Variants in GREM2 observed in about 807,000 individuals in gnomAD.
GREM2 encodes gremlin-2.
A neutral mutation model predicts 14.2 loss-of-function variants in GREM2; 11 were observed. The ratio of observed to expected loss-of-function variants is 0.78; its 90% CI spans 0.49 to 1.28. The LOEUF (loss-of-function observed/expected upper bound fraction) is 1.28, where lower values mean the gene tolerates loss of function less well. Among genes scored for constraint, GREM2 ranks in the 50% most tolerant of loss-of-function variants. The pLI is 0.00. For missense variants in GREM2, 210 were observed against 218.5 expected (o/e 0.96, Z 0.24); for synonymous variants, 98 against 97.6 (o/e 1.00, Z -0.02).
chr1:240,567,455 TTATA>T (rs1398035037), intron 1 of GREM2, among the ~76,000 whole-genome samples: 1 of 151,956 alleles, frequency 6.6e-6, no homozygotes, highest in African/African-American at 2.4e-5. Context: ...AAAAAACACA[TTATA>T]TACAGAGTAA....
At chr1:240,493,719 C>T (rs1475424066) in intron 1 of GREM2, among the ~76,000 whole-genome samples, 2 of 151,732 alleles carry the variant, frequency 1.3e-5, no homozygotes, top group Admixed American at 6.6e-5. Context: ...TTTGTAGAGA[C>T]GGGATCTCAC....
At chr1:240,562,955 TGTGTGA>T (rs535427406) in intron 1 of GREM2, among the ~76,000 whole-genome samples, 3,222 of 139,738 alleles carry the variant, frequency 0.023, 94 homozygotes, top group African/African-American at 0.084. Flanking sequence ...AGTGTGTATG[TGTGTGA>T]GTGTGTGTAT....
At chr1:240,517,230 A>T (rs1677975355) in intron 1 of GREM2, among the ~76,000 whole-genome samples, 1 of 152,242 alleles carries the variant, frequency 6.6e-6, no homozygotes, top group Admixed American at 6.5e-5. Context: ...CTTTTCCCAA[A>T]TATATCACAA....
At chr1:240,522,433 C>A (rs1012191637) in intron 1 of GREM2, among the ~76,000 whole-genome samples, 1 of 152,076 alleles carries the variant, frequency 6.6e-6, no homozygotes, top group African/African-American at 2.4e-5. Flanking sequence ...ATGGTAAATA[C>A]AATTTTACCA....
In GREM2 at chr1:240,492,935, C is replaced by T. The variant is rs1445072004; in HGVS notation, c.*34G>A. On this transcript the variant is annotated 3_prime_UTR_variant, in exon 2 of 2. Transcript: ENST00000318160. Reference sequence around the variant, plus strand: ...GCGGCGGCGCCACCCAGCGGCCGGGCGCGCGCGGGGCTGAGCTGCGTCCGG... The same window carrying T: ...GCGGCGGCGCCACCCAGCGGCCGGGTGCGCGCGGGGCTGAGCTGCGTCCGG... The T allele has an allele frequency of 7.1e-7, 1 of 1,406,554 alleles. No individual in the cohort carries two copies. Among genetic ancestry groups the T allele is most frequent in the South Asian group, 1.8e-5 (1 of 54,312 alleles). The allele number at this position is 1,406,554 out of a possible 1,614,324, so 87.1% of individuals were successfully genotyped here.
chr1:240,564,527 A>G (rs987991073), intron 1 of GREM2, among the ~76,000 whole-genome samples: 4 of 151,810 alleles, frequency 2.6e-5, no homozygotes, highest in African/African-American at 9.7e-5. Context: ...AAAAATTAAA[A>G]TAAATAAATA....
intron 1 of GREM2, among the ~76,000 whole-genome samples, chr1:240,546,789 G>T (rs1678733349): frequency 6.6e-6 from 1 of 152,236 alleles, no homozygotes; most frequent in Non-Finnish European, 1.5e-5. Flanking sequence ...AAACAGCCAA[G>T]TGTATTAAAC....
intron 1 of GREM2, among the ~76,000 whole-genome samples, chr1:240,554,928 G>T (rs1678925839): frequency 6.6e-6 from 1 of 152,120 alleles, no homozygotes; most frequent in South Asian, 2.1e-4. Context: ...AGGATCACCT[G>T]AGCTTAGGAG....
intron 1 of GREM2, among the ~76,000 whole-genome samples, chr1:240,536,755 T>A (rs1678481768): frequency 6.6e-6 from 1 of 152,056 alleles, no homozygotes; most frequent in Non-Finnish European, 1.5e-5. Flanking sequence ...GGGCTGTAGA[T>A]CTGGAAGCCA....
intron 1 of GREM2, among the ~76,000 whole-genome samples, chr1:240,572,472 ATTACT>A (rs1332160440): frequency 1.3e-5 from 2 of 152,210 alleles, no homozygotes; most frequent in Non-Finnish European, 2.9e-5. Flanking sequence ...GGTAACTCAA[ATTACT>A]TTAGAGAGTA....
chr1:240,501,112 A>G (rs1243662114), intron 1 of GREM2, among the ~76,000 whole-genome samples: 2 of 152,182 alleles, frequency 1.3e-5, no homozygotes, highest in Non-Finnish European at 2.9e-5. Flanking sequence ...AGCAAGCTCA[A>G]ATGCCATGGC....
intron 1 of GREM2, among the ~76,000 whole-genome samples, chr1:240,606,023 C>G (rs1680017901): frequency 6.6e-6 from 1 of 151,560 alleles, no homozygotes; most frequent in Non-Finnish European, 1.5e-5. Context: ...AGAAAAAAAA[C>G]AAAAAGTTCC....
intron 1 of GREM2, among the ~76,000 whole-genome samples, chr1:240,536,509 G>A (rs1000378387): frequency 6.6e-6 from 1 of 152,242 alleles, no homozygotes; most frequent in African/African-American, 2.4e-5. Flanking sequence ...CAGTCCAAGA[G>A]GGGGATTGGT....
intron 1 of GREM2, among the ~76,000 whole-genome samples, chr1:240,552,106 A>T (rs796537958): frequency 6.6e-6 from 1 of 152,200 alleles, no homozygotes; most frequent in East Asian, 1.9e-4. Context: ...TTCTTGTAGC[A>T]GTAATATTAC....
At chr1:240,500,368 G>T (rs1422765027) in intron 1 of GREM2, among the ~76,000 whole-genome samples, 1 of 151,516 alleles carries the variant, frequency 6.6e-6, no homozygotes, top group Non-Finnish European at 1.5e-5. Context: ...GCGCGATCTT[G>T]GCTCACTGCA....
At chr1:240,585,010 C>G (rs1679562651) in intron 1 of GREM2, among the ~76,000 whole-genome samples, 1 of 152,068 alleles carries the variant, frequency 6.6e-6, no homozygotes. Context: ...AAGTAGTTTA[C>G]TAGAGAGAAG....
intron 1 of GREM2, among the ~76,000 whole-genome samples, chr1:240,519,217 T>C (rs1398604506): frequency 6.6e-6 from 1 of 152,218 alleles, no homozygotes; most frequent in Non-Finnish European, 1.5e-5. Context: ...CAAATGCTCT[T>C]AGACTGGATA....
chr1:240,547,499 CAAAAA>C (rs200373636), intron 1 of GREM2, among the ~76,000 whole-genome samples: 7 of 87,616 alleles, frequency 8.0e-5, no homozygotes, highest in African/African-American at 3.3e-4. Flanking sequence ...GACTCCATCT[CAAAAA>C]AAAAAAAAAA....
At chr1:240,602,519 C>T (rs987690896) in intron 1 of GREM2, among the ~76,000 whole-genome samples, 7 of 152,058 alleles carry the variant, frequency 4.6e-5, no homozygotes, top group African/African-American at 1.4e-4. Flanking sequence ...GAGCTCACAT[C>T]GTAGCAGAAG....
Sources: allele counts gnomAD v4.1 joint callset (sites outside exome capture counted in the v4.1 genomes callset), GRCh38; gene constraint gnomAD v4.1.1; transcripts MANE v1.5; gene names NCBI Gene and HGNC (gene_info 2026-07-23, HGNC 2026-07-21).